GPC6: variants seen among roughly 807,000 people sequenced by gnomAD.
GPC6 encodes the protein glypican 6.
In GPC6, 14 loss-of-function variants were observed where a neutral mutation model predicts 55.2. That is an observed-to-expected ratio of 0.25 (90% confidence interval 0.17 to 0.40). The LOEUF (loss-of-function observed/expected upper bound fraction) is 0.40. Among genes scored for constraint, GPC6 ranks in the 10% least tolerant of loss-of-function variants. GPC6 has a pLI of 1.00. For missense variants in GPC6, 641 were observed against 708.5 expected (o/e 0.90, Z 1.08); for synonymous variants, 278 against 259.6 (o/e 1.07, Z -0.68).
chr13:93,970,028 A>G (rs1398067099), intron 3 of GPC6, among the ~76,000 whole-genome samples: 2 of 152,216 alleles, frequency 1.3e-5, no homozygotes, highest in East Asian at 3.9e-4. Flanking sequence ...TGGCCATACC[A>G]TGCTGAATGT....
chr13:94,380,197 GTTTAT>G (rs1880098557), intron 6 of GPC6, among the ~76,000 whole-genome samples: 1 of 152,172 alleles, frequency 6.6e-6, no homozygotes. Context: ...CTCATTCTTA[GTTTAT>G]TTTATTATGG....
intron 3 of GPC6, among the ~76,000 whole-genome samples, chr13:93,970,821 A>G (rs1253062511): frequency 3.3e-5 from 5 of 152,202 alleles, no homozygotes; most frequent in Admixed American, 3.3e-4. Flanking sequence ...TTTAGCCTCA[A>G]AGGAAAGATG....
chr13:93,410,281 T>C (rs1594150165), intron 1 of GPC6, among the ~76,000 whole-genome samples: 1 of 152,308 alleles, frequency 6.6e-6, no homozygotes, highest in East Asian at 1.9e-4. Flanking sequence ...CAAACCATAC[T>C]TCTTTCAACT....
At chr13:93,757,577 G>A (rs1884818049) in intron 2 of GPC6, among the ~76,000 whole-genome samples, 1 of 152,134 alleles carries the variant, frequency 6.6e-6, no homozygotes, top group African/African-American at 2.4e-5. Flanking sequence ...ACATTGCTTG[G>A]TTATTCCTAT....
At chr13:93,954,301 A>T (rs1879398031) in intron 3 of GPC6, among the ~76,000 whole-genome samples, 2 of 152,156 alleles carry the variant, frequency 1.3e-5, no homozygotes, top group South Asian at 4.1e-4. Flanking sequence ...TCTTCTGCAT[A>T]CACAGTGCCT....
intron 3 of GPC6, among the ~76,000 whole-genome samples, chr13:93,909,784 C>T (rs150287219): frequency 2.6e-4 from 39 of 152,178 alleles, no homozygotes; most frequent in Middle Eastern, 3.4e-3. Context: ...AGTTACTTTT[C>T]GCACTATATT....
intron 2 of GPC6, among the ~76,000 whole-genome samples, chr13:93,611,766 C>T (rs905139527): frequency 1.3e-5 from 2 of 152,046 alleles, no homozygotes; most frequent in South Asian, 4.1e-4. Flanking sequence ...TATGTTTATT[C>T]TAAGAATAAT....
At chr13:93,414,000 A>C (rs1234466064) in intron 1 of GPC6, among the ~76,000 whole-genome samples, 2 of 152,182 alleles carry the variant, frequency 1.3e-5, no homozygotes, top group African/African-American at 4.8e-5. Flanking sequence ...GATGTTGGCA[A>C]CTTCCCACCA....
At chr13:94,362,034 A>G (rs1879079283) in intron 6 of GPC6, among the ~76,000 whole-genome samples, 1 of 152,230 alleles carries the variant, frequency 6.6e-6, no homozygotes. Flanking sequence ...ACAGAATTAA[A>G]TACTACACTT....
chr13:93,471,454 T>A (rs1879111796), intron 1 of GPC6, among the ~76,000 whole-genome samples: 1 of 151,804 alleles, frequency 6.6e-6, no homozygotes, highest in Admixed American at 6.6e-5. Context: ...GGCATGAACC[T>A]GGGAGGCAGA....
At chr13:93,296,245 C>G (rs962952989) in intron 1 of GPC6, among the ~76,000 whole-genome samples, 15 of 152,148 alleles carry the variant, frequency 9.9e-5, no homozygotes, top group Non-Finnish European at 1.8e-4. Flanking sequence ...ATGATGTAGT[C>G]TAGTATATTC....
At chr13:93,412,356 T>C (rs1876535095) in intron 1 of GPC6, among the ~76,000 whole-genome samples, 2 of 152,102 alleles carry the variant, frequency 1.3e-5, no homozygotes, top group Admixed American at 6.6e-5. Flanking sequence ...ACATCTTTCA[T>C]TAAAAAATGT....
chr13:93,619,157 G>A (rs1232033582), intron 2 of GPC6, among the ~76,000 whole-genome samples: 1 of 152,118 alleles, frequency 6.6e-6, no homozygotes, highest in African/African-American at 2.4e-5. Flanking sequence ...CATCCTTTTT[G>A]AAAGAGATGT....
chr13:94,272,463 CTTTTTTTTTTTTTTTTTT>C (rs555664508), intron 4 of GPC6, among the ~76,000 whole-genome samples: 1 of 85,744 alleles, frequency 1.2e-5, no homozygotes. Context: ...CTTTTCTTTT[CTTTTTTTTTTTTTTTTTT>C]TTTTTGAAAC....
intron 4 of GPC6, among the ~76,000 whole-genome samples, chr13:94,088,169 C>A (rs1885355244): frequency 6.6e-6 from 1 of 152,076 alleles, no homozygotes; most frequent in Admixed American, 6.5e-5. Context: ...CCCCTAGGAG[C>A]TCTAGTTCAA....
At chr13:93,586,948 ATG>A (rs1214643275) in intron 2 of GPC6, among the ~76,000 whole-genome samples, 1 of 152,114 alleles carries the variant, frequency 6.6e-6, no homozygotes, top group Non-Finnish European at 1.5e-5. Flanking sequence ...ATGTTATTTA[ATG>A]TGTTTTTCAT....
intron 1 of GPC6, among the ~76,000 whole-genome samples, chr13:93,363,138 A>ATTTTTTTTTT (rs1881106917): frequency 8.7e-6 from 1 of 114,304 alleles, no homozygotes; most frequent in South Asian, 2.5e-4. Context: ...TGTTTTTTTT[A>ATTTTTTTTTT]AAATTATTAT....
At chr13:93,219,121 T>C in the GPC6 span, among the ~76,000 whole-genome samples, 1 of 149,432 alleles carries the variant, frequency 6.7e-6, no homozygotes, top group African/African-American at 2.5e-5. Context: ...TTAGACAGAG[T>C]CTCACTCTGT....
Position 93,949,604 on chromosome 13 carries a change from T to A in GPC6, c.712-78125T>A, listed in dbSNP as rs1342908211. On this transcript the variant is annotated intron_variant, in intron 3 of 8. Coordinates refer to ENST00000377047, the MANE Select transcript of GPC6 (RefSeq NM_005708.5). Reference sequence around the variant, plus strand: ...AGTCACAGGACATCCCATACCAGCCTGGCAGCTTGGTATATTTGAACTGGT... The same window carrying A: ...AGTCACAGGACATCCCATACCAGCCAGGCAGCTTGGTATATTTGAACTGGT... 2.0e-5 allele frequency among the ~76,000 whole-genome samples: 3 copies of A among 152,322 alleles called. No homozygotes were observed. The South Asian group carries it at 6.2e-4, about 32-fold the overall frequency.
Sources: allele counts gnomAD v4.1 joint callset (sites outside exome capture counted in the v4.1 genomes callset), GRCh38; gene constraint gnomAD v4.1.1; transcripts MANE v1.5; gene names NCBI Gene and HGNC (gene_info 2026-07-23, HGNC 2026-07-21).